The following GRIN1 variants were observed in gnomAD, a reference collection of about 807,000 sequenced individuals.
GRIN1 encodes glutamate receptor ionotropic, NMDA 1.
GRIN1 carries 38 observed loss-of-function variants against 103.0 expected under a neutral mutation model. The ratio of observed to expected loss-of-function variants is 0.37; its 90% CI spans 0.28 to 0.48. The LOEUF (loss-of-function observed/expected upper bound fraction) is 0.48. GRIN1 is among the 20% of genes least tolerant of loss of function. The pLI is 0.98. For missense variants in GRIN1, 577 were observed against 1,288.9 expected (o/e 0.45, Z 8.46); for synonymous variants, 544 against 532.7 (o/e 1.02, Z -0.29).
At chr9:137,158,785 G>A (rs1036842694) in intron 8 of GRIN1, 81 bp downstream of exon 8, 5 of 1,063,320 alleles carry the variant, frequency 4.7e-6, no homozygotes, top group Admixed American at 1.7e-5. Flanking sequence ...AGGAGGGTGC[G>A]GTGAGGTCAA....
At chr9:137,157,100 A>T in intron 6 of GRIN1, 63 bp downstream of exon 6, 1 of 647,202 alleles carries the variant, frequency 1.5e-6, no homozygotes, top group Non-Finnish European at 2.3e-6. Context: ...GGGTCACTCC[A>T]GAGATGGGCG....
chr9:137,156,305 G>A (rs1833213304), intron 4 of GRIN1, among the ~76,000 whole-genome samples: 1 of 152,174 alleles, frequency 6.6e-6, no homozygotes, highest in Admixed American at 6.5e-5. Flanking sequence ...GTCACAAGAA[G>A]GAAGTCAGTC....
chr9:137,158,599 C>A (rs755148798), intron 7 of GRIN1, 22 bp from the exon 8 acceptor site: 3 of 1,610,450 alleles, frequency 1.9e-6, no homozygotes, highest in Admixed American at 1.7e-5. Flanking sequence ...GGCCACCCTC[C>A]ATCTCATACT....
At position 137,146,925 on chromosome 9, in the gene GRIN1, T is replaced by TG. The variant is rs1210980704; in HGVS notation, c.570+1029dup. Among the ~76,000 whole-genome samples the TG allele has an allele frequency of 6.6e-6, 1 of 151,032 alleles. No homozygotes were observed. Among genetic ancestry groups the TG allele is most frequent in the South Asian group, 2.1e-4 (1 of 4,794 alleles). ...CCAGAGGGTCCTGGGAGTACTGTCG[T>TG]GGGGGGTCTGCTGAGTCTTGGGGGG... On this transcript the variant is annotated intron_variant, in intron 3 of 19. Coordinates refer to ENST00000371561, the MANE Select transcript of GRIN1 (RefSeq NM_007327.4). The surrounding 1 kb of genome is among the most constrained non-coding windows in gnomAD (Gnocchi z 6.7).
chr9:137,141,905 C>T (rs770071711), intron 1 of GRIN1, 108 bp from the exon 2 acceptor site: 8 of 1,165,734 alleles, frequency 6.9e-6, no homozygotes, highest in Non-Finnish European at 1.0e-5. Flanking sequence ...ATGCCCCCAG[C>T]CCCCCTTAGC....
chr9:137,158,797 G>A (rs957801129), intron 8 of GRIN1, 93 bp downstream of exon 8: 2 of 937,440 alleles, frequency 2.1e-6, no homozygotes, highest in Non-Finnish European at 3.5e-6. Context: ...TGAGGTCAAT[G>A]AAAGCCACTA....
At position 137,142,272 on chromosome 9, in the gene GRIN1, C is replaced by T; in HGVS notation, c.393+125C>T. On this transcript the variant is annotated intron_variant, in intron 2 of 19. Coordinates refer to ENST00000371561, the MANE Select transcript of GRIN1 (RefSeq NM_007327.4). ...ACACCACAAACAGCCACACAGCTCCCCCACATTCATGCACGTCCACACGCT... is the reference window on the plus strand; with the variant it reads ...ACACCACAAACAGCCACACAGCTCCTCCACATTCATGCACGTCCACACGCT... 3 of 927,924 alleles carry T rather than the reference C, an allele frequency of 3.2e-6. No individual in the cohort carries two copies. The South Asian group carries it at 3.9e-5, about 12-fold the overall frequency. The allele number at this position is 927,924 out of a possible 1,614,324, so 57.5% of individuals were successfully genotyped here.
Position 137,162,736 on chromosome 9 carries a change from T to G in GRIN1, c.2010T>G (p.Pro670=). 6.2e-7 allele frequency: 1 copy of G among 1,604,246 alleles called. No homozygotes were observed. Residue 670 remains proline (P), a synonymous_variant, in exon 14 of 20, where the codon CCT becomes CCG. Transcript: ENST00000371561. ...AGCGCATCACGGGCATCAACGACCCTCGGGTGAGGCCTGGCCGGGCTGGGG... is the reference window on the plus strand; with the variant it reads ...AGCGCATCACGGGCATCAACGACCCGCGGGTGAGGCCTGGCCGGGCTGGGG... ...PEERITGIND[P]RLRNPSDKFI...
At chr9:137,161,021 C>G (rs752925186) in intron 8 of GRIN1, 35 bp from the exon 9 acceptor site, 3 of 1,611,798 alleles carry the variant, frequency 1.9e-6, no homozygotes, top group Non-Finnish European at 2.5e-6. Flanking sequence ...AGCCTTAGGT[C>G]GGTGGTCCAG....
chr9:137,148,359 C>T, intron 3 of GRIN1: 1 of 627,564 alleles, frequency 1.6e-6, no homozygotes, highest in South Asian at 1.9e-5. Context: ...CAGGAGAGGG[C>T]AGGCAGGAGA....
At chr9:137,140,774 G>A (rs768175699) in intron 1 of GRIN1, among the ~76,000 whole-genome samples, 2 of 152,194 alleles carry the variant, frequency 1.3e-5, no homozygotes, top group African/African-American at 2.4e-5. Flanking sequence ...GGTCACACAC[G>A]GACCTACGGG....
Position 137,167,932 on chromosome 9 carries a change from GC to G in GRIN1, c.*409del. On this transcript the variant is annotated 3_prime_UTR_variant, in exon 20 of 20. Coordinates refer to ENST00000371561, the MANE Select transcript of GRIN1 (RefSeq NM_007327.4). ...GGGAAGGCCTGAGGGAAGCCCACCC[GC>G]CCCAGAGACTGCCCACCCTGGGCCT... The G allele has an allele frequency of 1.7e-6, 2 of 1,210,778 alleles. No individual in the cohort carries two copies. The highest frequency in any genetic ancestry group is 1.2e-6 in the Non-Finnish European group (1 of 841,180). 75.0% of individuals were successfully genotyped at this position (1,210,778 alleles called of 1,614,324 possible).
chr9:137,163,708 G>A (rs1192105839), intron 17 of GRIN1, 40 bp downstream of exon 17: 1 of 1,613,420 alleles, frequency 6.2e-7, no homozygotes, highest in South Asian at 1.1e-5. Flanking sequence ...GGTTCTCCGT[G>A]GGCTGCGGCC....
chr9:137,149,854 G>A (rs201741718), intron 4 of GRIN1, among the ~76,000 whole-genome samples: 3 of 152,182 alleles, frequency 2.0e-5, no homozygotes, highest in East Asian at 3.8e-4. Context: ...TGAAACACCC[G>A]GAGGAACACA....
At chr9:137,160,975 G>C in intron 8 of GRIN1, 81 bp from the exon 9 acceptor site, 2 of 1,582,332 alleles carry the variant, frequency 1.3e-6, no homozygotes, top group Non-Finnish European at 1.7e-6. Flanking sequence ...GGCGCCAGGG[G>C]AGGCTGGGAG....
intron 15 of GRIN1, 82 bp from the exon 16 acceptor site, chr9:137,163,087 G>T (rs1833647937): frequency 6.3e-7 from 1 of 1,577,888 alleles, no homozygotes. Flanking sequence ...AGAGCGTCCG[G>T]GCCGGGCACC....
At chr9:137,163,493 C>A in intron 16 of GRIN1, 66 bp from the exon 17 acceptor site, 4 of 1,340,816 alleles carry the variant, frequency 3.0e-6, no homozygotes, top group Non-Finnish European at 4.3e-6. Flanking sequence ...CCCGGCCCCG[C>A]CCCCAGCTTG....
At chr9:137,142,641 G>T (rs1368504646) in intron 2 of GRIN1, among the ~76,000 whole-genome samples, 2 of 152,246 alleles carry the variant, frequency 1.3e-5, no homozygotes, top group Non-Finnish European at 2.9e-5. Context: ...TGGGCTAGGA[G>T]AAGGGATGGC....
chr9:137,162,058 G>A lies in GRIN1; in HGVS notation c.1602G>A (p.Lys534=). 6.5e-7 allele frequency: 1 copy of A among 1,544,690 alleles called. No individual in the cohort carries two copies. The highest frequency in any genetic ancestry group is 8.7e-7 in the Non-Finnish European group (1 of 1,143,620). Residue 534 remains lysine (K), a synonymous_variant, in exon 11 of 20, where the codon AAG becomes AAA. Transcript: ENST00000371561. ...ACATCGAGTTTTCCAAGCCCTTCAA[G>A]TACCAGGGCCTGACTATTCTGGTCA... ...AQYIEFSKPF[K]YQGLTILVKK...
Sources: allele counts gnomAD v4.1 joint callset (sites outside exome capture counted in the v4.1 genomes callset), GRCh38; gene constraint gnomAD v4.1.1; non-coding constraint Gnocchi (gnomAD v3.1); transcripts MANE v1.5; gene names NCBI Gene and HGNC (gene_info 2026-07-23, HGNC 2026-07-21).